CEP290: variants seen among roughly 807,000 people sequenced by gnomAD.
The protein encoded by CEP290 is centrosomal protein 290.
A neutral mutation model predicts 344.9 loss-of-function variants in CEP290; 317 were observed. The observed-to-expected ratio is 0.92, with a 90% CI of 0.84 to 1.01. CEP290 has a LOEUF of 1.01. Among genes scored for constraint, CEP290 ranks in the 50% least tolerant of loss-of-function variants. The probability of loss-of-function intolerance (pLI) is 0.00; values close to 1 mark genes in which losing one functional copy is unlikely to be tolerated. For synonymous variants in CEP290, 932 were observed against 895.8 expected, an observed-to-expected ratio of 1.04 and a Z score of -0.72; for missense variants, 2,754 against 2,761.4, an observed-to-expected ratio of 1.00 and a Z score of 0.06.
intron 13 of CEP290, among the ~76,000 whole-genome samples, chr12:88,125,019 G>A (rs559826454): frequency 3.3e-5 from 5 of 151,834 alleles, no homozygotes; most frequent in South Asian, 2.1e-4. Flanking sequence ...GGTAATAAAC[G>A]TTAATGTAAT....
In CEP290 at chr12:88,053,692, T is replaced by C. The variant is rs1162717018; in HGVS notation, c.7089A>G (p.Glu2363=). ...CAGCTCCACTTTGGTCCTTGTTAGC[T>C]TCTATCTGATGGATTAATTCTGCTT... ...KEKAELIHQI[E]ANKDQSGAES... is the part of the protein sequence containing the mutation. Residue 2363 remains glutamate, a synonymous_variant, in exon 52 of 54, where the codon GAA becomes GAG. Coordinates refer to ENST00000552810, the MANE Select transcript of CEP290 (RefSeq NM_025114.4). 2 of 1,555,296 alleles carry C rather than the reference T, an allele frequency of 1.3e-6. No individual in the cohort carries two copies. Among genetic ancestry groups the C allele is most frequent in the African/African-American group, 1.4e-5 (1 of 73,930 alleles).
chr12:88,136,432 A>T (rs2040356136), intron 6 of CEP290: 1 of 505,742 alleles, frequency 2.0e-6, no homozygotes, highest in African/African-American at 2.0e-5. Flanking sequence ...TCCAAATATA[A>T]AGAATTAATC....
chr12:88,093,658 T>C (rs1314979532), intron 28 of CEP290, 112 bp downstream of exon 28: 1 of 720,580 alleles, frequency 1.4e-6, no homozygotes, highest in Non-Finnish European at 2.3e-6. Context: ...ACATAGGCAC[T>C]ATATTAATAA....
chr12:88,119,605 C>A (rs1408837235), intron 15 of CEP290, among the ~76,000 whole-genome samples: 1 of 152,094 alleles, frequency 6.6e-6, no homozygotes, highest in Non-Finnish European at 1.5e-5. Context: ...TGGAGACCAG[C>A]CTAGCCAACA....
At chr12:88,076,393 G>A (rs1474295410) in intron 41 of CEP290, among the ~76,000 whole-genome samples, 2 of 151,912 alleles carry the variant, frequency 1.3e-5, no homozygotes, top group Non-Finnish European at 2.9e-5. Context: ...TCATGTGATT[G>A]AAATTATTTT....
chr12:88,054,108 T>C (rs757070174), intron 51 of CEP290, among the ~76,000 whole-genome samples: 2 of 152,174 alleles, frequency 1.3e-5, no homozygotes, highest in Non-Finnish European at 2.9e-5. Context: ...TTAGAAAAGT[T>C]TAAACTAAAT....
intron 14 of CEP290, among the ~76,000 whole-genome samples, chr12:88,120,656 ATT>A (rs1421117959): frequency 6.6e-6 from 1 of 152,204 alleles, no homozygotes; most frequent in African/African-American, 2.4e-5. Context: ...AGCAGGTTGT[ATT>A]GACACAGTAT....
At chr12:88,072,378 G>C (rs2035446642) in intron 41 of CEP290, among the ~76,000 whole-genome samples, 1 of 152,032 alleles carries the variant, frequency 6.6e-6, no homozygotes, top group African/African-American at 2.4e-5. Context: ...AAAAAATTTT[G>C]TATCTTGGAG....
intron 34 of CEP290, 146 bp from the exon 35 acceptor site, chr12:88,084,998 G>C: frequency 1.6e-6 from 1 of 610,406 alleles, no homozygotes; most frequent in Non-Finnish European, 2.7e-6. Context: ...ACTTAATAAG[G>C]TTAAACTGAC....
rs62640580 is a variant in CEP290 at position 88,111,787 on chromosome 12, A to AAGCTG, written c.2119_2123dup (p.Thr709SerfsTer9). The stretch of plus-strand genomic sequence containing the variant: ...GTCTTAATTCTTCATTTCTTCCGGT[A>AAGCTG]AGCTGATCAACTTGGGCTTTCAAAT... On this transcript the variant is annotated frameshift_variant, in exon 21 of 54. Coordinates refer to ENST00000552810, the MANE Select transcript of CEP290 (RefSeq NM_025114.4). LOFTEE classifies it high-confidence loss of function. The AAGCTG allele has an allele frequency of 6.8e-6, 11 of 1,607,714 alleles. No homozygotes were observed. The highest frequency in any genetic ancestry group is 8.5e-6 in the Non-Finnish European group (10 of 1,177,360).
intron 20 of CEP290, among the ~76,000 whole-genome samples, chr12:88,113,484 T>C (rs776900609): frequency 3.9e-5 from 6 of 152,018 alleles, no homozygotes; most frequent in Non-Finnish European, 8.8e-5. Flanking sequence ...TGTTAACAAT[T>C]ATAGTGTTAT....
At chr12:88,118,809 A>G (rs2039232469) in intron 15 of CEP290, 66 bp from the exon 16 acceptor site, 3 of 1,076,170 alleles carry the variant, frequency 2.8e-6, no homozygotes, top group Admixed American at 4.9e-5. Context: ...AATGTCATAT[A>G]CCATCAAGCA....
intron 3 of CEP290, among the ~76,000 whole-genome samples, chr12:88,139,893 G>A (rs938988656): frequency 1.1e-4 from 16 of 151,782 alleles, no homozygotes; most frequent in Non-Finnish European, 2.9e-5. Flanking sequence ...CATGCTTGGC[G>A]TGCCATCATG....
At chr12:88,108,382 T>C (rs2038442042) in intron 23 of CEP290, among the ~76,000 whole-genome samples, 1 of 152,222 alleles carries the variant, frequency 6.6e-6, no homozygotes, top group Non-Finnish European at 1.5e-5. Flanking sequence ...GGGCACATCA[T>C]CTTTCTTGAA....
Position 88,125,308 on chromosome 12 carries a change from T to C in CEP290, c.1127A>G (p.Lys376Arg). Residue 376 changes from lysine to arginine, a missense_variant, in exon 13 of 54, where the codon AAA (lysine) becomes AGA (arginine). Physicochemically the swap from Lys to Arg is conservative, Grantham distance 26. Coordinates refer to ENST00000552810, the MANE Select transcript of CEP290 (RefSeq NM_025114.4). Reference protein sequence around the residue: ...MLTEQVEQYTKEMEKNTCIIE... With the variant: ...MLTEQVEQYTREMEKNTCIIE... ...AATACAAGTATTCTTTTCCATTTCT[T>C]TTGTATATTGTTCTACTTGTTCGGT... 8.1e-7 allele frequency: 1 copy of C among 1,241,658 alleles called. No individual in the cohort carries two copies. The highest frequency in any genetic ancestry group is 1.1e-6 in the Non-Finnish European group (1 of 935,224). 76.9% of individuals were successfully genotyped at this position (1,241,658 alleles called of 1,614,324 possible).
chr12:88,110,133 CAGAG>C (rs1461808186), intron 22 of CEP290, among the ~76,000 whole-genome samples: 2 of 151,910 alleles, frequency 1.3e-5, no homozygotes, highest in Non-Finnish European at 2.9e-5. Flanking sequence ...GATCACCTAG[CAGAG>C]AGAAATAGTG....
intron 49 of CEP290, 125 bp from the exon 50 acceptor site, chr12:88,055,842 A>C: frequency 1.4e-6 from 1 of 692,120 alleles, no homozygotes; most frequent in Non-Finnish European, 2.2e-6. Flanking sequence ...CTTCTAGTCA[A>C]AGTTTTAGCT....
intron 37 of CEP290, among the ~76,000 whole-genome samples, chr12:88,080,976 C>T (rs1284124887): frequency 6.6e-6 from 1 of 152,142 alleles, no homozygotes; most frequent in Non-Finnish European, 1.5e-5. Context: ...GTCAAATATA[C>T]AGAGAATGAA....
At chr12:88,106,508 A>G (rs1249515940) in intron 25 of CEP290, among the ~76,000 whole-genome samples, 167 bp downstream of exon 25, 1 of 152,162 alleles carries the variant, frequency 6.6e-6, no homozygotes, top group African/African-American at 2.4e-5. Flanking sequence ...TAGGGGAGGA[A>G]TGTCTGCAAT....
Sources: allele counts gnomAD v4.1 joint callset (sites outside exome capture counted in the v4.1 genomes callset), GRCh38; gene constraint gnomAD v4.1.1; transcripts MANE v1.5; gene names NCBI Gene and HGNC (gene_info 2026-07-23, HGNC 2026-07-21).